The following NAV1 variants were observed in gnomAD, a reference collection of about 807,000 sequenced individuals.
NAV1 encodes pore membrane and/or filament interacting like protein 3.
A neutral mutation model predicts 175.2 loss-of-function variants in NAV1; 18 were observed. That is an observed-to-expected ratio of 0.10 (90% CI 0.07 to 0.15). The LOEUF is 0.15. Among genes scored for constraint, NAV1 ranks in the 10% least tolerant of loss-of-function variants. The pLI is 1.00. For missense variants in NAV1, 1,731 were observed against 2,436.6 expected (o/e 0.71, Z 6.10); for synonymous variants, 897 against 978.7 (o/e 0.92, Z 1.56).
chr1:201,581,027 G>A (rs1016866474), intron 1 of NAV1, among the ~76,000 whole-genome samples: 10 of 152,192 alleles, frequency 6.6e-5, no homozygotes, highest in Non-Finnish European at 1.5e-4. Context: ...GGTTGTTCGT[G>A]GGGGCCGGTG....
At chr1:201,773,854 A>G (rs1200742289) in intron 3 of NAV1, among the ~76,000 whole-genome samples, 1 of 152,206 alleles carries the variant, frequency 6.6e-6, no homozygotes, top group Non-Finnish European at 1.5e-5. Context: ...AAGGTTCTTC[A>G]TCTTCATTGT....
chr1:201,542,346 A>G (rs937766373), intron 1 of NAV1, among the ~76,000 whole-genome samples: 1 of 152,206 alleles, frequency 6.6e-6, no homozygotes, highest in African/African-American at 2.4e-5. Flanking sequence ...AGTCTCTGGA[A>G]CATGGAGAGC....
rs1736447 is a variant in NAV1, at chr1:201,674,959, G to T, written c.757+25534G>T. 3.3e-5 allele frequency among the ~76,000 whole-genome samples: 5 copies of T among 151,450 alleles called. No homozygotes were observed. The East Asian group carries it at 7.8e-4, about 24-fold the overall frequency. Reference sequence around the variant, plus strand: ...GGAGACTGAGGCAGGAGAATTGCCCGAACCTGGGAGGTTGAGGGTGCAGTG... The same window carrying T: ...GGAGACTGAGGCAGGAGAATTGCCCTAACCTGGGAGGTTGAGGGTGCAGTG... On this transcript the variant is annotated intron_variant, in intron 1 of 29. Transcript: ENST00000367296.
intron 1 of NAV1, among the ~76,000 whole-genome samples, chr1:201,579,972 A>C (rs1666801081): frequency 6.6e-6 from 1 of 152,170 alleles, no homozygotes; most frequent in Non-Finnish European, 1.5e-5. Flanking sequence ...CCAATGATGT[A>C]GTTCTCAGCC....
chr1:201,682,984 A>T (rs1168156197), intron 1 of NAV1, among the ~76,000 whole-genome samples: 1 of 152,196 alleles, frequency 6.6e-6, no homozygotes, highest in African/African-American at 2.4e-5. Flanking sequence ...ACCAATAATG[A>T]TAAATTATTA....
intron 3 of NAV1, among the ~76,000 whole-genome samples, chr1:201,773,756 T>C (rs1396165769): frequency 1.3e-5 from 2 of 152,014 alleles, no homozygotes; most frequent in African/African-American, 4.8e-5. Flanking sequence ...ATGAGGAGAA[T>C]AGTAAGTGGG....
chr1:201,688,692 A>T (rs1162399126), intron 1 of NAV1, among the ~76,000 whole-genome samples: 1 of 152,232 alleles, frequency 6.6e-6, no homozygotes, highest in Non-Finnish European at 1.5e-5. Context: ...CAACGTAATT[A>T]GTCCAATTAA....
rs1678348800 is a variant in NAV1, at chr1:201,807,220, T to C, written c.3649-733T>C. On this transcript the variant is annotated intron_variant, in intron 17 of 29. Coordinates refer to ENST00000367296, the Ensembl canonical transcript of NAV1. The surrounding 1 kb of genome is among the most constrained non-coding windows in gnomAD (Gnocchi z 5.4). ...TAATGCCCCAAGTACTCTAAAGAAA[T>C]GCTGGGAAATAGCCCTTCTTCTAGG... 6.6e-6 allele frequency among the ~76,000 whole-genome samples: 1 copy of C among 152,164 alleles called. No individual in the cohort carries two copies. The highest frequency in any genetic ancestry group is 1.5e-5 in the Non-Finnish European group (1 of 68,032).
At chr1:201,649,489 T>A (rs986582064) in intron 1 of NAV1, 64 bp downstream of exon 5, 8 of 1,405,764 alleles carry the variant, frequency 5.7e-6, no homozygotes, top group Non-Finnish European at 6.4e-6. Context: ...CTGGGGAAGG[T>A]GTGGGGAAAG....
intron 2 of NAV1, among the ~76,000 whole-genome samples, chr1:201,599,828 A>G (rs1461658764): frequency 1.3e-5 from 2 of 152,224 alleles, no homozygotes; most frequent in African/African-American, 4.8e-5. Flanking sequence ...TAAGCACCAT[A>G]GGCATCTCCA....
chr1:201,627,474 T>C (rs1324112107), intron 1 of NAV1, among the ~76,000 whole-genome samples: 2 of 151,904 alleles, frequency 1.3e-5, no homozygotes, highest in Admixed American at 1.3e-4. Flanking sequence ...GGTTTCGCCA[T>C]GTTTGCCAGG....
At chr1:201,599,660 T>A (rs1667463912) in intron 2 of NAV1, among the ~76,000 whole-genome samples, 1 of 152,124 alleles carries the variant, frequency 6.6e-6, no homozygotes, top group South Asian at 2.1e-4. Flanking sequence ...TGAGCCCCTC[T>A]TACTAGGAGG....
chr1:201,615,909 G>A (rs945944984), intron 2 of NAV1, among the ~76,000 whole-genome samples: 9 of 152,152 alleles, frequency 5.9e-5, no homozygotes, highest in Admixed American at 5.2e-4. Flanking sequence ...CCTGGCAGGT[G>A]TTCTTATCCT....
At chr1:201,613,006 C>T (rs1424938990) in intron 2 of NAV1, among the ~76,000 whole-genome samples, 1 of 152,102 alleles carries the variant, frequency 6.6e-6, no homozygotes, top group Non-Finnish European at 1.5e-5. Flanking sequence ...ACCAGGATTT[C>T]CAGGGCGGAG....
intron 1 of NAV1, among the ~76,000 whole-genome samples, chr1:201,668,780 C>G (rs1558052065): frequency 6.6e-6 from 1 of 152,174 alleles, no homozygotes; most frequent in Non-Finnish European, 1.5e-5. Flanking sequence ...ATTGTGTGGA[C>G]AGAAGGGGGC....
chr1:201,804,061 C>T, intron 16 of NAV1: 1 of 490,718 alleles, frequency 2.0e-6, no homozygotes, highest in Non-Finnish European at 3.9e-6. Context: ...CCCTTCTATA[C>T]TATGGAGAGA....
intron 2 of NAV1, among the ~76,000 whole-genome samples, chr1:201,615,611 G>C (rs74718642): frequency 0.039 from 5,946 of 152,192 alleles, 252 homozygotes; most frequent in African/African-American, 0.1. Context: ...CACCAAGCTA[G>C]GTGCCTTATC....
exon 30 of NAV1, chr1:201,819,860 A>G (rs1245978103): frequency 1.9e-6 from 3 of 1,614,144 alleles, no homozygotes; most frequent in Non-Finnish European, 2.5e-6. Flanking sequence ...TGAAACTTCA[A>G]GAAGCTGCCA....
At chr1:201,622,505 G>T (rs3738288), upstream of NAV1, among the ~76,000 whole-genome samples, 459 of 152,284 alleles carry the variant, frequency 3.0e-3, 18 homozygotes, top group East Asian at 0.079. Flanking sequence ...AAAGGCCTGA[G>T]GGGGAGGAGC....
Sources: allele counts gnomAD v4.1 joint callset (sites outside exome capture counted in the v4.1 genomes callset), GRCh38; gene constraint gnomAD v4.1.1; non-coding constraint Gnocchi (gnomAD v3.1); transcripts MANE v1.5; gene names NCBI Gene and HGNC (gene_info 2026-07-23, HGNC 2026-07-21).